FGF14: variants seen among roughly 807,000 people sequenced by gnomAD.
FGF14 encodes fibroblast growth factor 14.
FGF14 carries 5 observed loss-of-function variants against 25.5 expected under a neutral mutation model. That is an observed-to-expected ratio of 0.20 (90% CI 0.10 to 0.41). FGF14 has a LOEUF of 0.41. Among genes scored for constraint, FGF14 ranks in the 10% least tolerant of loss-of-function variants. The pLI, the probability that FGF14 is intolerant of heterozygous loss-of-function variation, is 1.00. For synonymous variants in FGF14, 138 were observed against 118.3 expected (o/e 1.17, Z -1.08); for missense variants, 222 against 320.1 (o/e 0.69, Z 2.34).
At chr13:102,122,911 C>T (rs1240058017) in intron 1 of FGF14, among the ~76,000 whole-genome samples, 3 of 152,116 alleles carry the variant, frequency 2.0e-5, no homozygotes, top group Non-Finnish European at 2.9e-5. Context: ...TGCTCCAAGT[C>T]GCAGAGGTGG....
chr13:101,838,007 G>A (rs1378904861), intron 3 of FGF14, among the ~76,000 whole-genome samples: 1 of 151,898 alleles, frequency 6.6e-6, no homozygotes, highest in Non-Finnish European at 1.5e-5. Flanking sequence ...CCATGGTGCT[G>A]GATGCTTCCT....
intron 3 of FGF14, among the ~76,000 whole-genome samples, chr13:101,790,942 T>G (rs372034537): frequency 1.2e-4 from 18 of 152,356 alleles, no homozygotes; most frequent in Admixed American, 4.6e-4. Context: ...GCCAAAGATA[T>G]AGGTGCTTGC....
intron 1 of FGF14, among the ~76,000 whole-genome samples, chr13:102,147,923 T>C (rs901578802): frequency 6.6e-5 from 10 of 152,206 alleles, no homozygotes; most frequent in Non-Finnish European, 1.2e-4. Flanking sequence ...TTAGAGAACT[T>C]CTTATGCACA....
At chr13:102,020,745 C>T (rs1303941241) in intron 1 of FGF14, among the ~76,000 whole-genome samples, 2 of 151,978 alleles carry the variant, frequency 1.3e-5, no homozygotes, top group African/African-American at 4.8e-5. Flanking sequence ...CAGCATTTAG[C>T]AACTAGAGTG....
chr13:102,338,442 A>AC (rs1472896687), intron 1 of FGF14, among the ~76,000 whole-genome samples: 3 of 152,190 alleles, frequency 2.0e-5, no homozygotes, highest in African/African-American at 7.2e-5. Context: ...ACATTTGGGG[A>AC]CCCCCAACCA....
intron 1 of FGF14, among the ~76,000 whole-genome samples, chr13:102,279,195 G>A (rs2053702661): frequency 6.6e-6 from 1 of 150,952 alleles, no homozygotes; most frequent in Admixed American, 6.6e-5. Flanking sequence ...TGTTTGTATA[G>A]ATAGATAGAT....
intron 1 of FGF14, among the ~76,000 whole-genome samples, chr13:101,933,629 C>T (rs142103673): frequency 1.3e-5 from 2 of 152,208 alleles, no homozygotes; most frequent in African/African-American, 2.4e-5. Context: ...GAGGCTGAGG[C>T]GGCAGAATCA....
At position 101,748,533 on chromosome 13, in the gene FGF14, C is replaced by T. The variant is rs566523934; in HGVS notation, c.409-21723G>A. On this transcript the variant is annotated intron_variant, in intron 3 of 4. Transcript: ENST00000376143. ...CAGATAAATTCTTTAATGGGTACAA[C>T]GTACACTAAAAGCCCATACTTTACC... Among the ~76,000 whole-genome samples the T allele has an allele frequency of 4.0e-4, 61 of 151,382 alleles. No homozygotes were observed. The South Asian group carries it at 0.012, about 29-fold the overall frequency.
chr13:101,795,918 C>T (rs988023324), intron 3 of FGF14, among the ~76,000 whole-genome samples: 1 of 151,974 alleles, frequency 6.6e-6, no homozygotes, highest in Non-Finnish European at 1.5e-5. Context: ...TGTGTTTTCT[C>T]TGAAAATACA....
intron 1 of FGF14, among the ~76,000 whole-genome samples, chr13:102,173,545 T>C (rs2048328722): frequency 1.3e-5 from 2 of 152,198 alleles, no homozygotes; most frequent in South Asian, 4.1e-4. Flanking sequence ...CACTGCAGCA[T>C]GATTCTCAAC....
intron 1 of FGF14, among the ~76,000 whole-genome samples, chr13:102,066,001 G>A (rs558845414): frequency 2.6e-5 from 4 of 152,026 alleles, no homozygotes; most frequent in Non-Finnish European, 4.4e-5. Context: ...TTGTGATGTA[G>A]ATTTTGAATA....
At chr13:102,379,607 T>C (rs1305431742) in intron 1 of FGF14, among the ~76,000 whole-genome samples, 4 of 152,098 alleles carry the variant, frequency 2.6e-5, no homozygotes, top group South Asian at 2.1e-4. Flanking sequence ...ACATTTACTA[T>C]GTTTCTGAAT....
intron 1 of FGF14, among the ~76,000 whole-genome samples, chr13:102,364,748 G>A (rs1264131797): frequency 6.6e-6 from 1 of 152,142 alleles, no homozygotes; most frequent in South Asian, 2.1e-4. Context: ...CGCAGCCAGT[G>A]GTCAGAAACC....
At chr13:102,143,502 T>G (rs1168918239) in intron 1 of FGF14, among the ~76,000 whole-genome samples, 1 of 152,186 alleles carries the variant, frequency 6.6e-6, no homozygotes, top group African/African-American at 2.4e-5. Context: ...ATTATGACCC[T>G]CTACTAAAAT....
At chr13:102,005,729 T>C (rs1421427328) in intron 1 of FGF14, among the ~76,000 whole-genome samples, 1 of 152,194 alleles carries the variant, frequency 6.6e-6, no homozygotes, top group African/African-American at 2.4e-5. Context: ...AAACCTGATA[T>C]AATACATGAA....
At chr13:101,790,154 T>TC (rs2040151570) in intron 3 of FGF14, among the ~76,000 whole-genome samples, 1 of 151,654 alleles carries the variant, frequency 6.6e-6, no homozygotes, top group Admixed American at 6.6e-5. Flanking sequence ...TCTATTAATT[T>TC]CTCCCAAATC....
At chr13:101,981,391 C>A (rs1242075980) in intron 1 of FGF14, among the ~76,000 whole-genome samples, 1 of 152,140 alleles carries the variant, frequency 6.6e-6, no homozygotes, top group South Asian at 2.1e-4. Flanking sequence ...TCACCAAATA[C>A]CAAATCTGCC....
chr13:101,812,976 T>C (rs923522196), intron 3 of FGF14, among the ~76,000 whole-genome samples: 1 of 152,114 alleles, frequency 6.6e-6, no homozygotes, highest in African/African-American at 2.4e-5. Flanking sequence ...TAAAACTCTC[T>C]TTCAATATAA....
intron 1 of FGF14, among the ~76,000 whole-genome samples, chr13:102,339,168 G>T (rs1305957538): frequency 3.3e-5 from 5 of 151,942 alleles, no homozygotes; most frequent in Admixed American, 3.3e-4. Flanking sequence ...CACACCGCAT[G>T]CCTGTATCAG....
Sources: allele counts gnomAD v4.1 joint callset (sites outside exome capture counted in the v4.1 genomes callset), GRCh38; gene constraint gnomAD v4.1.1; transcripts MANE v1.5; gene names NCBI Gene and HGNC (gene_info 2026-07-23, HGNC 2026-07-21).